Variants in DLG1 observed in about 807,000 individuals in gnomAD.
DLG1 encodes disks large homolog 1.
In DLG1, 42 loss-of-function variants were observed where a neutral mutation model predicts 123.4. The observed-to-expected ratio is 0.34, with a 90% CI of 0.27 to 0.44. The LOEUF is 0.44. Ranked by LOEUF, DLG1 falls within the 20% of genes least tolerant of loss-of-function variation. DLG1 has a pLI of 1.00. For missense variants in DLG1, 942 were observed against 1,082.6 expected, an observed-to-expected ratio of 0.87 and a Z score of 1.82; for synonymous variants, 317 against 356.2, an observed-to-expected ratio of 0.89 and a Z score of 1.24.
chr3:197,265,298 A>T (rs547632248), intron 4 of DLG1, among the ~76,000 whole-genome samples: 4 of 152,354 alleles, frequency 2.6e-5, no homozygotes, highest in East Asian at 3.9e-4. Context: ...GGCTTTCCAT[A>T]AACAAGCAAT....
intron 14 of DLG1, among the ~76,000 whole-genome samples, chr3:197,102,503 G>A (rs1315965278): frequency 1.3e-5 from 2 of 152,190 alleles, no homozygotes; most frequent in African/African-American, 4.8e-5. Context: ...TGTTGTGTGT[G>A]CGTGTAGCTA....
chr3:197,163,594 C>T (rs1038566968), intron 5 of DLG1, among the ~76,000 whole-genome samples: 3 of 151,024 alleles, frequency 2.0e-5, no homozygotes, highest in Non-Finnish European at 4.4e-5. Context: ...GCAATCTCAG[C>T]TCACTGTAAC....
intron 5 of DLG1, among the ~76,000 whole-genome samples, chr3:197,166,136 G>A (rs1314524681): frequency 6.6e-6 from 1 of 152,220 alleles, no homozygotes; most frequent in Non-Finnish European, 1.5e-5. Context: ...AAGTGAGACA[G>A]ATAGCATCTA....
At chr3:197,288,744 A>ATACATACATACATACATACG (rs1773322958) in intron 3 of DLG1, among the ~76,000 whole-genome samples, 3 of 36,902 alleles carry the variant, frequency 8.1e-5, no homozygotes, top group African/African-American at 3.3e-4. Context: ...AAAAAAAAAA[A>ATACATACATACATACATACG]TACATACATA....
chr3:197,243,395 T>C (rs1749963405), intron 4 of DLG1, among the ~76,000 whole-genome samples: 1 of 152,172 alleles, frequency 6.6e-6, no homozygotes, highest in South Asian at 2.1e-4. Flanking sequence ...TTCCTAACAA[T>C]TTTCCCCTCT....
Position 197,044,530 on chromosome 3 carries a change from A to T in DLG1, c.*93T>A. On this transcript the variant is annotated 3_prime_UTR_variant, in exon 25 of 25. Transcript: ENST00000667157. ...GATGTGTGGGATACAATTCAACATGAAATCAGTACTCAAGAAAGACTCCAG... is the reference window on the plus strand; with the variant it reads ...GATGTGTGGGATACAATTCAACATGTAATCAGTACTCAAGAAAGACTCCAG... 1 of 745,150 alleles carries T rather than the reference A, an allele frequency of 1.3e-6. No individual in the cohort carries two copies. The highest frequency in any genetic ancestry group is 2.2e-6 in the Non-Finnish European group (1 of 446,624). The allele number at this position is 745,150 out of a possible 1,614,324, so 46.2% of individuals were successfully genotyped here. A position where few individuals can be genotyped will look rare whatever the true frequency, so the allele number is the denominator to read the frequency against.
chr3:197,250,552 G>A lies in DLG1; in HGVS notation c.318+32127C>T, dbSNP rs1360445774. ...CCACTGCACTCCAGCCCTGGCGACA[G>A]AGTGAGACTCCGTCTCAAAAAAAAA... On this transcript the variant is annotated intron_variant, in intron 4 of 24. Transcript: ENST00000667157. 2.0e-5 allele frequency among the ~76,000 whole-genome samples: 3 copies of A among 149,660 alleles called. No individual in the cohort carries two copies. In the East Asian group the frequency reaches 5.9e-4, roughly 29 times the overall value.
At chr3:197,278,074 C>G (rs1767376306) in intron 4 of DLG1, among the ~76,000 whole-genome samples, 1 of 151,654 alleles carries the variant, frequency 6.6e-6, no homozygotes, top group South Asian at 2.1e-4. Context: ...CACCTGAGGT[C>G]AAGAGTTTGA....
At chr3:197,145,623 T>C (rs2149705701) in intron 6 of DLG1, among the ~76,000 whole-genome samples, 1 of 152,342 alleles carries the variant, frequency 6.6e-6, no homozygotes, top group Middle Eastern at 3.4e-3. Flanking sequence ...CGTAAAATTT[T>C]GATACTGTGA....
chr3:197,223,397 A>C (rs537206193), intron 4 of DLG1, among the ~76,000 whole-genome samples: 195 of 152,354 alleles, frequency 1.3e-3, no homozygotes, highest in Non-Finnish European at 2.3e-3. Context: ...ACCTTCTTGG[A>C]TAAATGTCTC....
chr3:197,051,504 CT>C, intron 24 of DLG1, 72 bp downstream of exon 24: 2 of 1,169,076 alleles, frequency 1.7e-6, no homozygotes, highest in East Asian at 2.3e-5. Flanking sequence ...CAAAATCCAC[CT>C]GAACGGGTCG....
intron 24 of DLG1, among the ~76,000 whole-genome samples, chr3:197,047,964 C>A (rs777191925): frequency 1.3e-5 from 2 of 152,174 alleles, no homozygotes; most frequent in East Asian, 3.9e-4. Context: ...AATGAAAAGG[C>A]AACCTATGGA....
intron 5 of DLG1, among the ~76,000 whole-genome samples, chr3:197,155,999 T>C (rs1161627380): frequency 6.6e-6 from 1 of 152,210 alleles, no homozygotes; most frequent in Non-Finnish European, 1.5e-5. Flanking sequence ...TCAATATTGG[T>C]AAATAACGAA....
chr3:197,043,413 T>G lies in DLG1; in HGVS notation c.*1210A>C, dbSNP rs993345205. 2 of 152,166 alleles carry G rather than the reference T, an allele frequency of 1.3e-5. No homozygotes were observed. Among genetic ancestry groups the G allele is most frequent in the Non-Finnish European group, 2.9e-5 (2 of 68,030 alleles). The allele number at this position is 152,166 out of a possible 1,614,324, so 9.4% of individuals were successfully genotyped here. A position where few individuals can be genotyped will look rare whatever the true frequency, so the allele number is the denominator to read the frequency against. ...AAAGAGGAGAATATGCCCACACTTT[T>G]ACTTATAATCTAATTTCCCTAAATG... On this transcript the variant is annotated 3_prime_UTR_variant, in exon 25 of 25. Transcript: ENST00000667157.
Position 197,119,526 on chromosome 3 carries a change from A to C in DLG1, c.1170T>G (p.Ser390=). Residue 390 remains serine (S), a synonymous_variant, in exon 12 of 25, where the codon TCT becomes TCG. Transcript: ENST00000667157. ...GYAPPDITNS[S]SQPVDNHVSP... is the part of the protein sequence containing the mutation. ...TAACATGGTTATCAACAGGCTGAGA[A>C]GAAGCTTCAAAATAAACAAAGTGAA... 1 of 1,602,506 alleles carries C rather than the reference A, an allele frequency of 6.2e-7. No individual in the cohort carries two copies. Among genetic ancestry groups the C allele is most frequent in the Middle Eastern group, 1.7e-4 (1 of 6,008 alleles).
chr3:197,266,966 A>G (rs1042907171), intron 4 of DLG1, among the ~76,000 whole-genome samples: 2 of 152,180 alleles, frequency 1.3e-5, no homozygotes, highest in Non-Finnish European at 2.9e-5. Context: ...AAGAAACTCA[A>G]TGAATCCCAG....
At chr3:197,276,727 C>G (rs548251380) in intron 4 of DLG1, among the ~76,000 whole-genome samples, 1 of 152,114 alleles carries the variant, frequency 6.6e-6, no homozygotes, top group Admixed American at 6.5e-5. Context: ...TTATATCTTT[C>G]AAGATTCAGA....
chr3:197,262,081 T>C (rs1759681293), intron 4 of DLG1, among the ~76,000 whole-genome samples: 1 of 152,220 alleles, frequency 6.6e-6, no homozygotes, highest in Non-Finnish European at 1.5e-5. Flanking sequence ...CTTTTGTTCA[T>C]GACAAGCCCT....
At chr3:197,239,937 C>G (rs1748019954) in intron 4 of DLG1, among the ~76,000 whole-genome samples, 1 of 151,572 alleles carries the variant, frequency 6.6e-6, no homozygotes, top group East Asian at 1.9e-4. Context: ...ACCTAATGGG[C>G]AAAAAATTTT....
Sources: gnomAD v4.1 joint callset for allele counts (sites outside exome capture counted in the v4.1 genomes callset) on GRCh38, gnomAD v4.1.1 for gene constraint, MANE v1.5 for transcripts, NCBI Gene and HGNC (gene_info 2026-07-23, HGNC 2026-07-21) for gene names.